The following CLN8 variants were observed in gnomAD, a reference collection of about 807,000 sequenced individuals.
CLN8 encodes the protein protein CLN8.
Under a neutral mutation model 15.7 loss-of-function variants are expected in CLN8, and 14 were observed. That is an observed-to-expected ratio of 0.89 (90% CI 0.59 to 1.39). The LOEUF is 1.39. Ranked by LOEUF, CLN8 falls within the 40% of genes most tolerant of loss-of-function variation. The pLI is 0.00. For missense variants in CLN8, 415 were observed against 364.0 expected (o/e 1.14, Z -1.14); for synonymous variants, 188 against 151.0 (o/e 1.25, Z -1.80).
At position 1,771,240 on chromosome 8, in the gene CLN8, C is replaced by G. The variant is rs1057522154; in HGVS notation, c.186C>G (p.Val62=). 1 of 1,613,668 alleles carries G rather than the reference C, an allele frequency of 6.2e-7. No individual in the cohort carries two copies. The highest frequency in any genetic ancestry group is 8.5e-7 in the Non-Finnish European group (1 of 1,179,672). The change falls in exon 2 of 3, where the codon GTC becomes GTG. Residue 62 remains valine, a synonymous_variant. Coordinates refer to ENST00000331222, the MANE Select transcript of CLN8 (RefSeq NM_018941.4). The stretch of plus-strand genomic sequence containing the variant: ...GTTCTTTGGTGGCCAGAGAGAAGGT[C>G]TTCTGGGACCTGGCGGCCACGCGTG... The part of the protein sequence containing the change: ...TYRSLVAREK[V]FWDLAATRAV...
chr8:1,780,177 ACCTTTTTGT>A, intron 2 of CLN8, 64 bp from the exon 3 acceptor site: 2 of 1,613,212 alleles, frequency 1.2e-6, no homozygotes, highest in Non-Finnish European at 1.7e-6. Context: ...GGTAGCAAAT[ACCTTTTTGT>A]GATGTGAAGA....
chr8:1,761,187 C>T (rs1800788164), upstream of CLN8, among the ~76,000 whole-genome samples: 2 of 151,466 alleles, frequency 1.3e-5, no homozygotes, highest in South Asian at 2.1e-4. Flanking sequence ...CAATCAGGTT[C>T]ATGTTGCCTA....
chr8:1,780,096 C>A, intron 2 of CLN8, 154 bp from the exon 3 acceptor site: 1 of 985,456 alleles, frequency 1.0e-6, no homozygotes, highest in Non-Finnish European at 1.2e-6. Context: ...AGAATGAAGT[C>A]CCAATGAGAG....
chr8:1,774,542 G>C (rs1801438389), intron 2 of CLN8, among the ~76,000 whole-genome samples: 3 of 152,202 alleles, frequency 2.0e-5, no homozygotes, highest in Admixed American at 1.3e-4. Context: ...GGTCTGATTT[G>C]ATCAGAACTA....
At chr8:1,778,792 T>G (rs182795328) in intron 2 of CLN8, among the ~76,000 whole-genome samples, 172 of 152,324 alleles carry the variant, frequency 1.1e-3, no homozygotes, top group African/African-American at 3.8e-3. Context: ...CTTTCTCTTC[T>G]AATTGTCCTC....
chr8:1,757,601 C>A (rs1270415507), intron 1 of CLN8, among the ~76,000 whole-genome samples: 2 of 152,270 alleles, frequency 1.3e-5, no homozygotes, highest in Admixed American at 1.3e-4. Context: ...CCACGACACC[C>A]AGCTAATTTT....
intron 2 of CLN8, among the ~76,000 whole-genome samples, chr8:1,772,622 T>G (rs1801359220): frequency 6.7e-6 from 1 of 150,200 alleles, no homozygotes; most frequent in Non-Finnish European, 1.5e-5. Flanking sequence ...CACGCCTAGC[T>G]AATTTGTGTG....
At chr8:1,780,215 G>C in intron 2 of CLN8, 35 bp from the exon 3 acceptor site, 6 of 1,614,134 alleles carry the variant, frequency 3.7e-6, no homozygotes, top group Non-Finnish European at 5.1e-6. Context: ...TGGCAGTTTC[G>C]CATTGACTTG....
chr8:1,761,839 A>T (rs1407328358), upstream of CLN8, among the ~76,000 whole-genome samples: 2 of 152,210 alleles, frequency 1.3e-5, no homozygotes, highest in African/African-American at 4.8e-5. Flanking sequence ...AAAATATCTC[A>T]AGCACTGTTG....
chr8:1,773,937 G>C (rs1440908249), intron 2 of CLN8: 3 of 152,232 alleles, frequency 2.0e-5, no homozygotes, highest in East Asian at 3.8e-4. Context: ...CATCCCACAA[G>C]ATGGTGTGCT....
In CLN8 at chr8:1,785,284, A is replaced by G. The variant is rs533268381; in HGVS notation, c.*4717A>G. 296 of 188,736 alleles carry G rather than the reference A, an allele frequency of 1.6e-3. 2 individuals carry two copies. The highest frequency in any genetic ancestry group is 6.9e-3 in the African/African-American group (289 of 42,040). 11.7% of individuals were successfully genotyped at this position (188,736 alleles called of 1,614,324 possible). A position where few individuals can be genotyped will look rare whatever the true frequency, so the allele number is the denominator to read the frequency against. On this transcript the variant is annotated 3_prime_UTR_variant, in exon 3 of 3. Transcript: ENST00000331222. The stretch of plus-strand genomic sequence containing the variant: ...ACAGGCGGCGTGGGGTTAGACAGGT[A>G]CCGGTCAGACTACGGTGACACAGGC...
At chr8:1,776,960 A>G (rs1453907259) in intron 2 of CLN8, among the ~76,000 whole-genome samples, 1 of 152,344 alleles carries the variant, frequency 6.6e-6, no homozygotes, top group East Asian at 1.9e-4. Context: ...ACCCGGACGC[A>G]AAAGAGTACA....
chr8:1,784,486 C>T lies in CLN8; in HGVS notation c.*3919C>T, dbSNP rs1469719495. ...TTTGCAAGAGTAGGGGGCCCCACCT[C>T]TTAATACCACCGCAATGACAATTAC... On this transcript the variant is annotated 3_prime_UTR_variant, in exon 3 of 3. Coordinates refer to ENST00000331222, the MANE Select transcript of CLN8 (RefSeq NM_018941.4). The T allele has an allele frequency of 6.6e-6, 1 of 152,236 alleles. No individual in the cohort carries two copies. The highest frequency in any genetic ancestry group is 2.1e-4 in the South Asian group (1 of 4,818). The allele number at this position is 152,236 out of a possible 1,614,324, so 9.4% of individuals were successfully genotyped here. A position where few individuals can be genotyped will look rare whatever the true frequency, so the allele number is the denominator to read the frequency against.
upstream of CLN8, among the ~76,000 whole-genome samples, chr8:1,753,668 G>A (rs372708592): frequency 4.0e-5 from 6 of 151,096 alleles, no homozygotes; most frequent in African/African-American, 1.5e-4. Flanking sequence ...GGCAGATCAT[G>A]AGGTCAGGAG....
At chr8:1,760,552 AAAG>A (rs1409233108), upstream of CLN8, 2 of 152,218 alleles carry the variant, frequency 1.3e-5, no homozygotes, top group African/African-American at 4.8e-5. Context: ...GGCCGAGTGG[AAAG>A]ACACAGTCCT....
In CLN8 at chr8:1,780,658, G is replaced by A. The variant is rs1585152383; in HGVS notation, c.*91G>A. 1 of 1,232,438 alleles carries A rather than the reference G, an allele frequency of 8.1e-7. No individual in the cohort carries two copies. Among genetic ancestry groups the A allele is most frequent in the African/African-American group, 1.5e-5 (1 of 66,954 alleles). 76.3% of individuals were successfully genotyped at this position (1,232,438 alleles called of 1,614,324 possible). The stretch of plus-strand genomic sequence containing the variant: ...TGATGGCTTTTGAATTAATGAGGCA[G>A]TGAATGTTTTGTGTTTACTTCTAAG... On this transcript the variant is annotated 3_prime_UTR_variant, in exon 3 of 3. Coordinates refer to ENST00000331222, the MANE Select transcript of CLN8 (RefSeq NM_018941.4).
upstream of CLN8, chr8:1,762,406 T>C (rs559062078): frequency 2.6e-5 from 4 of 151,954 alleles, no homozygotes; most frequent in Non-Finnish European, 5.9e-5. Context: ...CCCGCCAAGA[T>C]GGGTTGTTGA....
chr8:1,774,856 A>C (rs935596487), intron 2 of CLN8, among the ~76,000 whole-genome samples: 9 of 152,176 alleles, frequency 5.9e-5, no homozygotes, highest in African/African-American at 2.2e-4. Context: ...TCATAGTGGC[A>C]CACGTCTGTA....
At chr8:1,777,022 G>A (rs1801546848) in intron 2 of CLN8, among the ~76,000 whole-genome samples, 4 of 152,194 alleles carry the variant, frequency 2.6e-5, no homozygotes, top group Admixed American at 2.6e-4. Context: ...ACGACGGGCT[G>A]TGTTCTGAGA....
Sources: allele counts gnomAD v4.1 joint callset (sites outside exome capture counted in the v4.1 genomes callset), GRCh38; gene constraint gnomAD v4.1.1; transcripts MANE v1.5; gene names NCBI Gene and HGNC (gene_info 2026-07-23, HGNC 2026-07-21).